The following FAM193A variants were observed in gnomAD, a reference collection of about 807,000 sequenced individuals.
FAM193A encodes family with sequence similarity 193 member A.
Under a neutral mutation model 126.5 loss-of-function variants are expected in FAM193A, and 22 were observed. The ratio of observed to expected loss-of-function variants is 0.17; its 90% CI spans 0.12 to 0.25. The LOEUF (loss-of-function observed/expected upper bound fraction) is 0.25, where lower values mean the gene tolerates loss of function less well. Ranked by LOEUF, FAM193A falls within the 10% of genes least tolerant of loss-of-function variation. FAM193A has a pLI of 1.00. For synonymous variants in FAM193A, 761 were observed against 646.8 expected (o/e 1.18, Z -2.68); for missense variants, 1,675 against 1,672.8 (o/e 1.00, Z -0.02).
rs1333431865 is a variant in FAM193A, at chr4:2,652,283, GC to G, written c.1311+5452del. 2.6e-5 allele frequency among the ~76,000 whole-genome samples: 4 copies of G among 152,204 alleles called. 1 individual carries two copies. Among genetic ancestry groups the G allele is most frequent in the Admixed American group, 2.6e-4 (4 of 15,284 alleles). ...TTGCAGAGAAGCTTTGAGTCTGGAA[GC>G]TTTTCTGAATGGAACTCCCACCTCC... On this transcript the variant is annotated intron_variant, in intron 7 of 20. Transcript: ENST00000637812.
At chr4:2,644,255 A>G (rs1303852579) in intron 6 of FAM193A, among the ~76,000 whole-genome samples, 1 of 152,142 alleles carries the variant, frequency 6.6e-6, no homozygotes, top group Non-Finnish European at 1.5e-5. Flanking sequence ...GGCTCAAAAT[A>G]ATCTGAATTC....
At chr4:2,619,926 A>G (rs1454899620) in intron 2 of FAM193A, among the ~76,000 whole-genome samples, 1 of 152,008 alleles carries the variant, frequency 6.6e-6, no homozygotes, top group Admixed American at 6.6e-5. Context: ...CCTGACCTCA[A>G]GTGATCCACT....
At chr4:2,627,975 G>A (rs756325060) in intron 4 of FAM193A, among the ~76,000 whole-genome samples, 5 of 151,826 alleles carry the variant, frequency 3.3e-5, no homozygotes, top group Non-Finnish European at 7.4e-5. Context: ...ATCTCCTGAC[G>A]TTGTGATCTG....
rs541390001 is a variant in FAM193A at position 2,659,872 on chromosome 4, C to T, written c.1563C>T (p.Pro521=). 39 of 1,614,062 alleles carry T rather than the reference C, an allele frequency of 2.4e-5. No homozygotes were observed. Among genetic ancestry groups the T allele is most frequent in the Middle Eastern group, 3.3e-4 (2 of 6,062 alleles). Residue 521 remains proline (P), a synonymous_variant, in exon 10 of 21, where the codon CCC becomes CCT. Transcript: ENST00000637812. Reference sequence around the variant, plus strand: ...TCACGTGTGGTATCATGGACCCCCCCGTCACTGATGACATCCACATTCACC... The same window carrying T: ...TCACGTGTGGTATCATGGACCCCCCTGTCACTGATGACATCCACATTCACC... ...HILTCGIMDP[P]VTDDIHIHQL... is the part of the protein sequence containing the mutation.
At chr4:2,569,738 C>G (rs1203768776) in intron 1 of FAM193A, among the ~76,000 whole-genome samples, 1 of 151,888 alleles carries the variant, frequency 6.6e-6, no homozygotes, top group Non-Finnish European at 1.5e-5. Flanking sequence ...CTCCTGGGCT[C>G]AAGTGATCCT....
intron 12 of FAM193A, 45 bp from the exon 13 acceptor site, chr4:2,672,076 T>C: frequency 6.3e-7 from 1 of 1,598,478 alleles, no homozygotes; most frequent in Middle Eastern, 1.7e-4. Flanking sequence ...ATTCATACCA[T>C]TTATTGTTTC....
At chr4:2,624,623 T>A (rs1221479432) in intron 2 of FAM193A, among the ~76,000 whole-genome samples, 2 of 152,240 alleles carry the variant, frequency 1.3e-5, no homozygotes, top group Non-Finnish European at 2.9e-5. Context: ...AGGTGCCCAC[T>A]GAGGTGGTCA....
intron 2 of FAM193A, among the ~76,000 whole-genome samples, chr4:2,619,076 T>A (rs1256541313): frequency 6.6e-6 from 1 of 152,174 alleles, no homozygotes; most frequent in East Asian, 1.9e-4. Context: ...GGTATTCTGA[T>A]CTGCTTAATC....
chr4:2,659,616 T>C lies in FAM193A; in HGVS notation c.1448T>C (p.Met483Thr). ...ENNFTDTMRH[M>T]LSSRLSMPDC... ...AACTTCACAGACACCATGAGGCACATGTTATCGTCCCGGCTGAGCATGCCC... is the reference window on the plus strand; with the variant it reads ...AACTTCACAGACACCATGAGGCACACGTTATCGTCCCGGCTGAGCATGCCC... The change falls in exon 9 of 21, where the codon ATG becomes ACG. Residue 483 changes from methionine (M) to threonine (T), a missense_variant. Coordinates refer to ENST00000637812, the MANE Select transcript of FAM193A (RefSeq NM_001366318.2). The C allele has an allele frequency of 6.2e-7, 1 of 1,614,132 alleles. No homozygotes were observed. The highest frequency in any genetic ancestry group is 8.5e-7 in the Non-Finnish European group (1 of 1,180,022).
chr4:2,565,641 C>G (rs972537452), intron 1 of FAM193A, among the ~76,000 whole-genome samples: 8 of 152,060 alleles, frequency 5.3e-5, no homozygotes, highest in Admixed American at 1.3e-4. Context: ...TTGGGTAGGG[C>G]AGGATTGCAG....
At chr4:2,552,361 C>G (rs529331496) in intron 1 of FAM193A, among the ~76,000 whole-genome samples, 2 of 150,710 alleles carry the variant, frequency 1.3e-5, no homozygotes, top group South Asian at 4.2e-4. Context: ...ATGTTGCTCA[C>G]GCTGGTGTTT....
chr4:2,666,296 AC>A (rs1326713665), intron 12 of FAM193A, among the ~76,000 whole-genome samples: 1 of 151,970 alleles, frequency 6.6e-6, no homozygotes, highest in African/African-American at 2.4e-5. Context: ...TTATTTTGTT[AC>A]CGTGGTGTGT....
chr4:2,686,976 G>A (rs976968284), intron 13 of FAM193A, among the ~76,000 whole-genome samples: 2 of 152,086 alleles, frequency 1.3e-5, no homozygotes, highest in African/African-American at 4.8e-5. Flanking sequence ...GTCCCATGGG[G>A]CTCCCTTACC....
intron 1 of FAM193A, among the ~76,000 whole-genome samples, chr4:2,575,910 G>A (rs556802328): frequency 1.3e-5 from 2 of 152,128 alleles, no homozygotes; most frequent in South Asian, 4.2e-4. Context: ...GCCATGGTCA[G>A]GTTACAAGGA....
chr4:2,642,939 G>A (rs986947735), intron 6 of FAM193A, among the ~76,000 whole-genome samples: 1 of 151,860 alleles, frequency 6.6e-6, no homozygotes, highest in Non-Finnish European at 1.5e-5. Context: ...GTTTCACCGT[G>A]AAAACTCCCA....
chr4:2,542,754 C>G (rs1282259188), intron 1 of FAM193A, among the ~76,000 whole-genome samples: 1 of 152,142 alleles, frequency 6.6e-6, no homozygotes, highest in Non-Finnish European at 1.5e-5. Context: ...TCCGTAGTCA[C>G]CAGGCCAGGA....
intron 1 of FAM193A, among the ~76,000 whole-genome samples, chr4:2,542,490 T>A (rs1737293874): frequency 6.6e-6 from 1 of 152,230 alleles, no homozygotes; most frequent in African/African-American, 2.4e-5. Flanking sequence ...AGTTTCTTTG[T>A]AAGTATTTTA....
intron 4 of FAM193A, among the ~76,000 whole-genome samples, chr4:2,626,853 C>T (rs535556344): frequency 1.1e-4 from 17 of 152,220 alleles, no homozygotes; most frequent in East Asian, 3.9e-4. Context: ...ATAATAATAC[C>T]TTCCTTTTTG....
chr4:2,627,073 C>T (rs890811027), intron 4 of FAM193A, among the ~76,000 whole-genome samples: 11 of 151,892 alleles, frequency 7.2e-5, no homozygotes, highest in South Asian at 6.2e-4. Flanking sequence ...ATGCCGCAGC[C>T]GTTCTTCAGC....
Sources: gnomAD v4.1 joint callset for allele counts (sites outside exome capture counted in the v4.1 genomes callset) on GRCh38, gnomAD v4.1.1 for gene constraint, MANE v1.5 for transcripts, NCBI Gene and HGNC (gene_info 2026-07-23, HGNC 2026-07-21) for gene names.